Variants in PAPPA2 observed in about 807,000 individuals in gnomAD.
PAPPA2 encodes pappalysin 2.
Under a neutral mutation model 176.4 loss-of-function variants are expected in PAPPA2, and 86 were observed. That is an observed-to-expected ratio of 0.49 (90% CI 0.41 to 0.58). The LOEUF is 0.58. PAPPA2 is among the 20% of genes least tolerant of loss of function. The probability of loss-of-function intolerance (pLI) is 0.00; values close to 1 mark genes in which losing one functional copy is unlikely to be tolerated. For missense variants in PAPPA2, 2,073 were observed against 2,256.9 expected, an observed-to-expected ratio of 0.92 and a Z score of 1.65; for synonymous variants, 809 against 852.2, an observed-to-expected ratio of 0.95 and a Z score of 0.88.
chr1:176,737,964 A>G (rs1283833572), intron 12 of PAPPA2, among the ~76,000 whole-genome samples: 1 of 152,014 alleles, frequency 6.6e-6, no homozygotes, highest in East Asian at 1.9e-4. Flanking sequence ...GCCACCAGGT[A>G]TTTGTTTGGA....
At chr1:176,750,201 A>G (rs1663103567) in intron 14 of PAPPA2, among the ~76,000 whole-genome samples, 2 of 152,100 alleles carry the variant, frequency 1.3e-5, no homozygotes, top group African/African-American at 4.8e-5. Flanking sequence ...ACTCTTGAAC[A>G]TGTAGATTAA....
chr1:176,541,306 T>G (rs1011037405), intron 1 of PAPPA2, among the ~76,000 whole-genome samples: 1 of 152,234 alleles, frequency 6.6e-6, no homozygotes, highest in African/African-American at 2.4e-5. Context: ...TAACAGCGAA[T>G]ACATTTGTCA....
At position 176,793,540 on chromosome 1, in the gene PAPPA2, G is replaced by C. The variant is rs760466092; in HGVS notation, c.5021-20G>C. ...GATCTGGGAAGTTCAAGTCTCTGCT[G>C]TAAACTTCTGTTCTTTCAGGTGCAG... On this transcript the variant is annotated intron_variant, in intron 19 of 22. Coordinates refer to ENST00000367662, the MANE Select transcript of PAPPA2 (RefSeq NM_020318.3). The C allele has an allele frequency of 6.4e-7, 1 of 1,574,358 alleles. No individual in the cohort carries two copies. The highest frequency in any genetic ancestry group is 1.4e-5 in the African/African-American group (1 of 73,854).
chr1:176,552,914 T>G (rs1651049263), intron 1 of PAPPA2, among the ~76,000 whole-genome samples: 1 of 151,920 alleles, frequency 6.6e-6, no homozygotes, highest in Admixed American at 6.6e-5. Context: ...ACTTGCGGAG[T>G]GGCAGAGTTT....
intron 1 of PAPPA2, among the ~76,000 whole-genome samples, chr1:176,514,867 A>G (rs921377245): frequency 2.0e-5 from 3 of 152,170 alleles, no homozygotes; most frequent in African/African-American, 7.2e-5. Flanking sequence ...CCCATTCCAG[A>G]CTGGCCTTGC....
At chr1:176,560,973 C>A (rs1472508854) in intron 2 of PAPPA2, among the ~76,000 whole-genome samples, 1 of 152,192 alleles carries the variant, frequency 6.6e-6, no homozygotes, top group Non-Finnish European at 1.5e-5. Context: ...CAAAGCACGG[C>A]AAGGCCCTGT....
intron 12 of PAPPA2, among the ~76,000 whole-genome samples, chr1:176,736,869 A>G (rs1662441858): frequency 6.6e-6 from 1 of 151,872 alleles, no homozygotes; most frequent in Non-Finnish European, 1.5e-5. Flanking sequence ...AGAGCCTACA[A>G]TATTGATCAT....
intron 1 of PAPPA2, among the ~76,000 whole-genome samples, chr1:176,466,468 C>G (rs1651624967): frequency 6.6e-6 from 1 of 152,000 alleles, no homozygotes; most frequent in African/African-American, 2.4e-5. Context: ...AGTAAGTTAT[C>G]ATATTAAATA....
chr1:176,596,826 G>A (rs957565331), intron 3 of PAPPA2, among the ~76,000 whole-genome samples: 1 of 152,228 alleles, frequency 6.6e-6, no homozygotes, highest in African/African-American at 2.4e-5. Flanking sequence ...GGACATAATA[G>A]AGGAGGGTAA....
intron 17 of PAPPA2, among the ~76,000 whole-genome samples, chr1:176,789,499 C>A (rs6425395): frequency 0.41 from 61,928 of 151,848 alleles, 14,064 homozygotes; most frequent in African/African-American, 0.6. Flanking sequence ...ACATGTATAC[C>A]TATGTAACAA....
Position 176,781,365 on chromosome 1 carries a change from C to CTTTTTTT in PAPPA2, c.4716-8417_4716-8411dup, listed in dbSNP as rs35029858. On this transcript the variant is annotated intron_variant, in intron 17 of 22. Transcript: ENST00000367662. The stretch of plus-strand genomic sequence containing the variant: ...CATGTGAGAAGAGCTTTGTAAGGGG[C>CTTTTTTT]TTTTTTTTTTTTTTTTTTTTTTTTT... Among the ~76,000 whole-genome samples, 156 of 46,252 alleles carry CTTTTTTT rather than the reference C, an allele frequency of 3.4e-3. 8 individuals carry two copies. The highest frequency in any genetic ancestry group is 8.1e-3 in the East Asian group (9 of 1,108). The allele number at this position is 46,252 out of a possible 152,430, so 30.3% of individuals were successfully genotyped here.
intron 17 of PAPPA2, among the ~76,000 whole-genome samples, chr1:176,775,693 G>A (rs1302741001): frequency 6.6e-6 from 1 of 152,072 alleles, no homozygotes; most frequent in East Asian, 1.9e-4. Context: ...CTCTGGGGGT[G>A]GGGCCCAGAC....
At chr1:176,787,079 T>C (rs989399282) in intron 17 of PAPPA2, among the ~76,000 whole-genome samples, 1 of 151,694 alleles carries the variant, frequency 6.6e-6, no homozygotes. Flanking sequence ...ACCTGAAAGT[T>C]GGAAAGAAAA....
At chr1:176,821,815 G>A (rs1666676647) in intron 21 of PAPPA2, among the ~76,000 whole-genome samples, 1 of 152,174 alleles carries the variant, frequency 6.6e-6, no homozygotes, top group Admixed American at 6.6e-5. Flanking sequence ...TGGACTCATG[G>A]CAAAGGAAGG....
At chr1:176,755,892 T>A (rs570389600) in intron 14 of PAPPA2, among the ~76,000 whole-genome samples, 4 of 152,332 alleles carry the variant, frequency 2.6e-5, no homozygotes, top group Admixed American at 2.0e-4. Flanking sequence ...TACTCTATTC[T>A]TATAATATTG....
At position 176,723,311 on chromosome 1, in the gene PAPPA2, A is replaced by G. The variant is rs1257120236; in HGVS notation, c.3798+11330A>G. On this transcript the variant is annotated intron_variant, in intron 12 of 22. Transcript: ENST00000367662. ...ACTACATTTAAGCTATAGCATACCCAGTTCATACTAAAACTCATCCAGGAG... is the reference window on the plus strand; with the variant it reads ...ACTACATTTAAGCTATAGCATACCCGGTTCATACTAAAACTCATCCAGGAG... 2.0e-5 allele frequency among the ~76,000 whole-genome samples: 3 copies of G among 152,220 alleles called. No individual in the cohort carries two copies. The East Asian group carries it at 5.8e-4, about 29-fold the overall frequency.
chr1:176,623,611 C>CTTTTT lies in PAPPA2; in HGVS notation c.1991+28018_1991+28019insTTTTT, dbSNP rs1558479008. Among the ~76,000 whole-genome samples the CTTTTT allele has an allele frequency of 3.7e-3, 419 of 112,202 alleles. 7 individuals are homozygous for CTTTTT. Among genetic ancestry groups the CTTTTT allele is most frequent in the African/African-American group, 6.4e-3 (168 of 26,238 alleles). The allele number at this position is 112,202 out of a possible 152,430, so 73.6% of individuals were successfully genotyped here. ...CCTTCCTTCCTTCCTTCCTTCCTTC[C>CTTTTT]TTCCTTCCTTCCTTTTTTACTTTCT... On this transcript the variant is annotated intron_variant, in intron 3 of 22. Transcript: ENST00000367662.
intron 3 of PAPPA2, among the ~76,000 whole-genome samples, chr1:176,625,972 A>G (rs989108421): frequency 3.3e-5 from 5 of 152,144 alleles, no homozygotes; most frequent in African/African-American, 1.2e-4. Flanking sequence ...GCAGTCAGCT[A>G]TGACTGTGCC....
intron 17 of PAPPA2, among the ~76,000 whole-genome samples, chr1:176,781,882 AG>A (rs914703108): frequency 1.3e-5 from 2 of 152,152 alleles, no homozygotes; most frequent in Non-Finnish European, 2.9e-5. Flanking sequence ...CGGAGTGAAA[AG>A]GCTTTCTAAC....
Sources: gnomAD v4.1 joint callset for allele counts (sites outside exome capture counted in the v4.1 genomes callset) on GRCh38, gnomAD v4.1.1 for gene constraint, MANE v1.5 for transcripts, NCBI Gene and HGNC (gene_info 2026-07-23, HGNC 2026-07-21) for gene names.